The following CTNNA3 variants were observed in gnomAD, a reference collection of about 807,000 sequenced individuals.
CTNNA3 encodes catenin alpha 3.
A neutral mutation model predicts 95.7 loss-of-function variants in CTNNA3; 76 were observed. The ratio of observed to expected loss-of-function variants is 0.79; its 90% CI spans 0.66 to 0.96. CTNNA3 has a LOEUF of 0.96. Ranked by LOEUF, CTNNA3 falls within the 40% of genes least tolerant of loss-of-function variation. The pLI is 0.00. For synonymous variants in CTNNA3, 431 were observed against 374.4 expected, an observed-to-expected ratio of 1.15 and a Z score of -1.74; for missense variants, 1,191 against 1,089.8, an observed-to-expected ratio of 1.09 and a Z score of -1.31.
intron 17 of CTNNA3, among the ~76,000 whole-genome samples, chr10:65,963,380 C>T (rs772756290): frequency 1.3e-5 from 2 of 152,102 alleles, no homozygotes; most frequent in Admixed American, 1.3e-4. Flanking sequence ...TTTCAGTTGT[C>T]CCCTCTATCT....
chr10:67,056,502 C>A lies in CTNNA3; in HGVS notation c.1047+123815G>T, dbSNP rs143444343. 1.9e-3 allele frequency among the ~76,000 whole-genome samples: 295 copies of A among 152,258 alleles called. 3 individuals carry two copies. Among genetic ancestry groups the A allele is most frequent in the African/African-American group, 6.8e-3 (284 of 41,566 alleles). On this transcript the variant is annotated intron_variant, in intron 7 of 17. Coordinates refer to ENST00000433211, the MANE Select transcript of CTNNA3 (RefSeq NM_013266.4). ...AGCTTCAGGCTTGTGAAACCAAGAT[C>A]CACTCCTGATCTGTATCTGTAAACA...
At chr10:67,374,542 G>T (rs1843618541) in intron 5 of CTNNA3, among the ~76,000 whole-genome samples, 1 of 151,970 alleles carries the variant, frequency 6.6e-6, no homozygotes, top group African/African-American at 2.4e-5. Flanking sequence ...TTTATATTGG[G>T]CTATATGATA....
intron 11 of CTNNA3, among the ~76,000 whole-genome samples, chr10:66,392,456 A>G (rs1199621973): frequency 6.6e-6 from 1 of 151,990 alleles, no homozygotes; most frequent in Admixed American, 6.6e-5. Context: ...AAAAGAATAA[A>G]AAGCCACAGA....
At chr10:67,313,264 G>A (rs538086317) in intron 5 of CTNNA3, among the ~76,000 whole-genome samples, 34 of 151,842 alleles carry the variant, frequency 2.2e-4, no homozygotes, top group South Asian at 2.1e-3. Flanking sequence ...GTGAAATCCC[G>A]TCTCTACTAA....
chr10:66,213,902 T>C (rs1046348330), intron 13 of CTNNA3, among the ~76,000 whole-genome samples: 5 of 152,178 alleles, frequency 3.3e-5, no homozygotes, highest in Non-Finnish European at 7.3e-5. Context: ...TTAGAAGTGC[T>C]TCAAGAAAGT....
At chr10:66,444,930 T>C (rs893283128) in intron 11 of CTNNA3, among the ~76,000 whole-genome samples, 1 of 151,880 alleles carries the variant, frequency 6.6e-6, no homozygotes, top group African/African-American at 2.4e-5. Flanking sequence ...AGGAAACCCA[T>C]CTCACGTGCA....
chr10:67,157,652 C>T (rs572310508), intron 7 of CTNNA3, among the ~76,000 whole-genome samples: 1 of 152,180 alleles, frequency 6.6e-6, no homozygotes, highest in South Asian at 2.1e-4. Flanking sequence ...CTAGGAAAAA[C>T]CAGGAATTTG....
chr10:66,196,083 C>A (rs548116665), intron 13 of CTNNA3, among the ~76,000 whole-genome samples: 1 of 151,886 alleles, frequency 6.6e-6, no homozygotes, highest in South Asian at 2.1e-4. Context: ...CATAAAAATT[C>A]TATGTAGTTA....
At chr10:67,449,182 A>C (rs1199299579) in intron 5 of CTNNA3, among the ~76,000 whole-genome samples, 1 of 152,006 alleles carries the variant, frequency 6.6e-6, no homozygotes, top group Non-Finnish European at 1.5e-5. Flanking sequence ...AAATGTGAGA[A>C]AACAGAAACA....
At chr10:67,102,638 T>C (rs575057543) in intron 7 of CTNNA3, among the ~76,000 whole-genome samples, 1 of 151,972 alleles carries the variant, frequency 6.6e-6, no homozygotes, top group South Asian at 2.1e-4. Context: ...TGAGTGAAAA[T>C]TTATTTTGTG....
intron 5 of CTNNA3, among the ~76,000 whole-genome samples, chr10:67,320,046 G>A (rs1167842727): frequency 6.6e-6 from 1 of 152,144 alleles, no homozygotes; most frequent in East Asian, 1.9e-4. Context: ...AATTAAGTGT[G>A]ACGGCATGTT....
chr10:67,390,852 A>G (rs1313861169), intron 5 of CTNNA3, among the ~76,000 whole-genome samples: 4 of 148,224 alleles, frequency 2.7e-5, no homozygotes, highest in Non-Finnish European at 6.0e-5. Context: ...ACAAAATTCA[A>G]CAACCCTTCA....
chr10:67,402,290 CATAAT>C (rs1224582571), intron 5 of CTNNA3, among the ~76,000 whole-genome samples: 2 of 152,096 alleles, frequency 1.3e-5, no homozygotes, highest in Non-Finnish European at 2.9e-5. Flanking sequence ...ACAAAAATTA[CATAAT>C]ATAATTGGAA....
chr10:66,185,416 A>C (rs72795370), intron 13 of CTNNA3, among the ~76,000 whole-genome samples: 7,563 of 152,188 alleles, frequency 0.05, 261 homozygotes, highest in East Asian at 0.12. Context: ...ATAAGTAACA[A>C]AATATTGAAA....
In CTNNA3 at chr10:66,356,959, A is replaced by G. The variant is rs566915802; in HGVS notation, c.1732+22193T>C. On this transcript the variant is annotated intron_variant, in intron 12 of 17. Coordinates refer to ENST00000433211, the MANE Select transcript of CTNNA3 (RefSeq NM_013266.4). The stretch of plus-strand genomic sequence containing the variant: ...GGTCCTTGCATCCTTGAGATAAACT[A>G]TACTTGGTTATACAGTTATTACTCT... 3.2e-4 allele frequency among the ~76,000 whole-genome samples: 48 copies of G among 152,160 alleles called. 1 individual carries two copies. Among genetic ancestry groups the G allele is most frequent in the African/African-American group, 1.1e-3 (45 of 41,526 alleles).
intron 11 of CTNNA3, among the ~76,000 whole-genome samples, chr10:66,443,084 T>C (rs1447352418): frequency 6.6e-6 from 1 of 152,054 alleles, no homozygotes; most frequent in African/African-American, 2.4e-5. Flanking sequence ...GAGATCAAAC[T>C]GCAAGGCCAC....
intron 1 of CTNNA3, among the ~76,000 whole-genome samples, chr10:67,704,647 C>T (rs1177093389): frequency 6.6e-6 from 1 of 152,022 alleles, no homozygotes; most frequent in Non-Finnish European, 1.5e-5. Flanking sequence ...TAAAGACTTA[C>T]ATGTTAGACC....
intron 13 of CTNNA3, among the ~76,000 whole-genome samples, chr10:66,205,639 G>A (rs895933899): frequency 6.6e-6 from 1 of 151,836 alleles, no homozygotes; most frequent in Non-Finnish European, 1.5e-5. Context: ...AACAGTTATA[G>A]GTACAATTTC....
At chr10:66,533,179 T>G (rs1405174049) in intron 10 of CTNNA3, among the ~76,000 whole-genome samples, 4 of 152,194 alleles carry the variant, frequency 2.6e-5, no homozygotes, top group Non-Finnish European at 5.9e-5. Context: ...TTCTCTAGCA[T>G]TATTTCCTAT....
Sources: gnomAD v4.1 joint callset for allele counts (sites outside exome capture counted in the v4.1 genomes callset) on GRCh38, gnomAD v4.1.1 for gene constraint, MANE v1.5 for transcripts, NCBI Gene and HGNC (gene_info 2026-07-23, HGNC 2026-07-21) for gene names.